CFAP251: variants seen among roughly 807,000 people sequenced by gnomAD.
The protein encoded by CFAP251 is cilia- and flagella-associated protein 251.
Under a neutral mutation model 126.7 loss-of-function variants are expected in CFAP251, and 93 were observed. That is an observed-to-expected ratio of 0.73 (90% confidence interval 0.62 to 0.87). The LOEUF (loss-of-function observed/expected upper bound fraction) is 0.87, where lower values mean the gene tolerates loss of function less well. Ranked by LOEUF, CFAP251 falls within the 40% of genes least tolerant of loss-of-function variation. The pLI is 0.00. For synonymous variants in CFAP251, 503 were observed against 506.9 expected, an observed-to-expected ratio of 0.99 and a Z score of 0.10; for missense variants, 1,287 against 1,389.2, an observed-to-expected ratio of 0.93 and a Z score of 1.17.
chr12:121,989,628 G>GT lies in CFAP251; in HGVS notation c.3007-10087dup, dbSNP rs1466364087. Among the ~76,000 whole-genome samples, 2 of 152,186 alleles carry GT rather than the reference G, an allele frequency of 1.3e-5. No individual in the cohort carries two copies. The highest frequency in any genetic ancestry group is 2.9e-5 in the Non-Finnish European group (2 of 68,030). On this transcript the variant is annotated intron_variant, in intron 19 of 21. Transcript: ENST00000288912. This position sits in a 1 kb window ranked among gnomAD's most constrained non-coding sequence, Gnocchi z 4.2. ...AGATGCAGGGGGTGACCAGGGGAGG[G>GT]TATGAGTGAAGATGATGAGTGGGAA...
In CFAP251 at chr12:121,951,496, C is replaced by T. The variant is rs746943165; in HGVS notation, c.1286C>T (p.Thr429Ile). ...TCTTATCAGTATGAAGAGAGGGATACACTGGCTCACAGTGCCCCACTTTTA... is the reference window on the plus strand; with the variant it reads ...TCTTATCAGTATGAAGAGAGGGATATACTGGCTCACAGTGCCCCACTTTTA... Reference protein sequence around the residue: ...IYYAWYEERDTLAHSAPLLTE... With the variant: ...IYYAWYEERDILAHSAPLLTE... Residue 429 changes from threonine to isoleucine, a missense_variant, in exon 9 of 22, where the codon ACA becomes ATA. By Grantham distance (89) the Thr-to-Ile change is moderately conservative. Transcript: ENST00000288912. 1.3e-6 allele frequency: 2 copies of T among 1,583,664 alleles called. No homozygotes were observed. The highest frequency in any genetic ancestry group is 2.3e-5 in the South Asian group (2 of 88,488).
rs1359602763 is a variant in CFAP251 at position 122,001,572 on chromosome 12, C to G, written c.3311C>G (p.Ser1104Cys). ...LFGLNPEGWK[S>C]EPATCSVKGS... ...GGCCTGAATCCCGAGGGATGGAAAT[C>G]CGAGCCTGCAACCTGCTCCGTCAAA... Residue 1104 changes from serine (S) to cysteine (C), a missense_variant, in exon 21 of 22, where the codon TCC becomes TGC. Physicochemically the swap from Ser to Cys is moderately radical, Grantham distance 112. Coordinates refer to ENST00000288912, the MANE Select transcript of CFAP251 (RefSeq NM_144668.6). 6.2e-7 allele frequency: 1 copy of G among 1,614,140 alleles called. No homozygotes were observed. The highest frequency in any genetic ancestry group is 1.1e-5 in the South Asian group (1 of 91,076).
intron 1 of CFAP251, among the ~76,000 whole-genome samples, chr12:121,920,874 A>G (rs551879999): frequency 6.8e-6 from 1 of 147,624 alleles, no homozygotes; most frequent in African/African-American, 2.6e-5. Flanking sequence ...TTGAGACAGA[A>G]CTTTGCTCTT....
At chr12:121,945,046 G>A (rs544796313) in intron 7 of CFAP251, among the ~76,000 whole-genome samples, 130 of 152,304 alleles carry the variant, frequency 8.5e-4, no homozygotes, top group African/African-American at 3.1e-3. Flanking sequence ...GCCTCCCAAA[G>A]TGTTGGGATT....
At chr12:121,954,636 TAAAAAA>T (rs1174239421) in intron 10 of CFAP251, among the ~76,000 whole-genome samples, 63 of 41,980 alleles carry the variant, frequency 1.5e-3, no homozygotes, top group South Asian at 3.1e-3. Flanking sequence ...CCTCCTGTCT[TAAAAAA>T]AAAAAAAAAA....
At chr12:121,965,194 A>G (rs919137943) in intron 15 of CFAP251, among the ~76,000 whole-genome samples, 1 of 152,258 alleles carries the variant, frequency 6.6e-6, no homozygotes, top group Admixed American at 6.5e-5. Flanking sequence ...TAAACCTATG[A>G]GCAGATGCTC....
At chr12:121,999,283 T>G (rs1883095503) in intron 19 of CFAP251, 1 of 155,278 alleles carries the variant, frequency 6.4e-6, no homozygotes, top group Non-Finnish European at 1.4e-5. Flanking sequence ...GGATTTAATT[T>G]CTTGTATTTT....
chr12:121,986,548 C>A (rs928589316), intron 19 of CFAP251, among the ~76,000 whole-genome samples: 7 of 151,546 alleles, frequency 4.6e-5, no homozygotes, highest in African/African-American at 1.7e-4. Context: ...ATCCTCCCAC[C>A]TCGGCCTCCC....
intron 14 of CFAP251, 95 bp downstream of exon 14, chr12:121,960,853 G>A (rs1264234098): frequency 1.4e-5 from 20 of 1,408,114 alleles, no homozygotes; most frequent in Admixed American, 4.2e-5. Flanking sequence ...CCCACAGTAC[G>A]TGTGTTTGTT....
Position 121,958,803 on chromosome 12 carries a change from G to A in CFAP251, c.1982-140G>A, listed in dbSNP as rs563096326. On this transcript the variant is annotated intron_variant, in intron 12 of 21. Coordinates refer to ENST00000288912, the MANE Select transcript of CFAP251 (RefSeq NM_144668.6). ...GCGCGCTCACCCCAGGAGATCACGC[G>A]TTTCGGTTCATTTCTCCGCACGGGA... 262 of 1,124,182 alleles carry A rather than the reference G, an allele frequency of 2.3e-4. 2 individuals carry two copies. The highest frequency in any genetic ancestry group is 1.6e-3 in the African/African-American group (104 of 64,096). The allele number at this position is 1,124,182 out of a possible 1,614,324, so 69.6% of individuals were successfully genotyped here.
chr12:121,941,933 G>T (rs1453689753), intron 5 of CFAP251, among the ~76,000 whole-genome samples: 1 of 152,146 alleles, frequency 6.6e-6, no homozygotes, highest in Non-Finnish European at 1.5e-5. Context: ...TTCCCTGAGA[G>T]CTGGGACGTT....
intron 21 of CFAP251, among the ~76,000 whole-genome samples, chr12:122,002,196 A>G (rs1472629545): frequency 1.3e-5 from 2 of 151,916 alleles, no homozygotes; most frequent in Non-Finnish European, 2.9e-5. Context: ...CTCTACTAAA[A>G]ATACGAAAAT....
chr12:121,928,702 A>AT (rs200450305), intron 3 of CFAP251, among the ~76,000 whole-genome samples: 8,957 of 54,160 alleles, frequency 0.17, 1,281 homozygotes, highest in African/African-American at 0.39. Flanking sequence ...ATATATATAT[A>AT]TATTTTTTTT....
At chr12:121,995,776 A>G (rs1194205343) in intron 19 of CFAP251, among the ~76,000 whole-genome samples, 2 of 152,198 alleles carry the variant, frequency 1.3e-5, no homozygotes, top group East Asian at 3.8e-4. Context: ...ATGAGCCACC[A>G]TGCCTGACCT....
rs973470247 is a variant in CFAP251, at chr12:122,003,668, T to C, written c.3354T>C (p.Leu1118=). The C allele has an allele frequency of 1.2e-6, 2 of 1,610,038 alleles. No homozygotes were observed. The highest frequency in any genetic ancestry group is 2.2e-5 in the South Asian group (2 of 90,006). ...TCSVKGSEIC[L]EEELPDEITA... ...TTTGGCTAGGTTCAGAAATTTGCCT[T>C]GAAGAAGAACTTCCAGACGAAATCA... The change falls in exon 22 of 22, where the codon CTT becomes CTC. Residue 1118 remains leucine, a synonymous_variant. Coordinates refer to ENST00000288912, the MANE Select transcript of CFAP251 (RefSeq NM_144668.6).
At chr12:121,926,572 C>T (rs1880425995) in intron 3 of CFAP251, among the ~76,000 whole-genome samples, 1 of 152,174 alleles carries the variant, frequency 6.6e-6, no homozygotes, top group Admixed American at 6.5e-5. Flanking sequence ...AAGCAATCCT[C>T]CCGCCTCGGC....
intron 3 of CFAP251, among the ~76,000 whole-genome samples, chr12:121,927,493 C>T (rs568210128): frequency 9.9e-5 from 15 of 152,226 alleles, no homozygotes; most frequent in African/African-American, 1.7e-4. Flanking sequence ...CACAGGGTTT[C>T]GCCATGTAGG....
At chr12:121,969,177 T>C (rs1882251553) in intron 17 of CFAP251, 1 of 985,328 alleles carries the variant, frequency 1.0e-6, no homozygotes, top group Non-Finnish European at 1.2e-6. Flanking sequence ...ATCTGCCAAA[T>C]GCACATCTTT....
chr12:121,984,265 G>A (rs1882694488), intron 19 of CFAP251, among the ~76,000 whole-genome samples: 1 of 152,028 alleles, frequency 6.6e-6, no homozygotes, highest in Admixed American at 6.6e-5. Flanking sequence ...CAGCCAAAGT[G>A]GTCATGGTGG....
Sources: gnomAD v4.1 joint callset for allele counts (sites outside exome capture counted in the v4.1 genomes callset) on GRCh38, gnomAD v4.1.1 for gene constraint, Gnocchi (gnomAD v3.1) non-coding constraint, MANE v1.5 for transcripts, NCBI Gene and HGNC (gene_info 2026-07-23, HGNC 2026-07-21) for gene names.